Variants in RELN observed in about 807,000 individuals in gnomAD.
RELN encodes the protein reelin.
In RELN, 108 loss-of-function variants were observed where a neutral mutation model predicts 427.6. The ratio of observed to expected loss-of-function variants is 0.25; its 90% CI spans 0.22 to 0.30. RELN has a LOEUF of 0.30. Among genes scored for constraint, RELN ranks in the 10% least tolerant of loss-of-function variants. The pLI is 1.00. For missense variants in RELN, 3,715 were observed against 4,302.8 expected (o/e 0.86, Z 3.82); for synonymous variants, 1,524 against 1,513.4 (o/e 1.01, Z -0.16).
chr7:103,652,089 C>T (rs1327024511), intron 14 of RELN, among the ~76,000 whole-genome samples: 2 of 152,014 alleles, frequency 1.3e-5, no homozygotes, highest in African/African-American at 2.4e-5. Flanking sequence ...CACACTGTCA[C>T]TTCATCCTGT....
At chr7:103,525,598 T>A (rs1829805812) in intron 46 of RELN, among the ~76,000 whole-genome samples, 1 of 152,240 alleles carries the variant, frequency 6.6e-6, no homozygotes. Context: ...TACAGTTATG[T>A]CTGTTTATCT....
intron 1 of RELN, among the ~76,000 whole-genome samples, chr7:103,981,130 G>A (rs1229829250): frequency 6.6e-6 from 1 of 152,182 alleles, no homozygotes; most frequent in East Asian, 1.9e-4. Flanking sequence ...TATAGTCCTA[G>A]AGGCTGAGCC....
chr7:103,619,429 C>T (rs144690709), intron 20 of RELN, among the ~76,000 whole-genome samples: 45 of 152,246 alleles, frequency 3.0e-4, no homozygotes, highest in South Asian at 2.1e-4. Flanking sequence ...ATTTTCAGCC[C>T]GGCCACTTGC....
intron 17 of RELN, among the ~76,000 whole-genome samples, chr7:103,639,102 T>C (rs955780588): frequency 2.0e-5 from 3 of 152,220 alleles, no homozygotes; most frequent in African/African-American, 7.2e-5. Context: ...TTATGGATAA[T>C]GGATGCACAT....
chr7:103,803,723 G>A (rs1349901841), intron 3 of RELN, among the ~76,000 whole-genome samples: 1 of 152,012 alleles, frequency 6.6e-6, no homozygotes, highest in Non-Finnish European at 1.5e-5. Flanking sequence ...ATTATAATGG[G>A]TAAAGATCAT....
chr7:103,987,854 G>A (rs920456395), intron 1 of RELN, among the ~76,000 whole-genome samples: 2 of 152,262 alleles, frequency 1.3e-5, no homozygotes, highest in East Asian at 3.9e-4. Context: ...TTACAGACAA[G>A]GCTGCCACCA....
chr7:103,754,052 A>T (rs551943349), intron 4 of RELN, among the ~76,000 whole-genome samples: 26 of 152,284 alleles, frequency 1.7e-4, no homozygotes, highest in African/African-American at 6.0e-4. Context: ...TTAAGCAGGT[A>T]AGAAACACTG....
intron 13 of RELN, 65 bp from the exon 14 acceptor site, chr7:103,652,824 T>C (rs1181493519): frequency 8.9e-6 from 13 of 1,465,792 alleles, no homozygotes; most frequent in Non-Finnish European, 1.1e-5. Flanking sequence ...TAAATTCTCC[T>C]AGATTTGACC....
chr7:103,745,625 GACAA>G (rs1397276688), intron 6 of RELN, among the ~76,000 whole-genome samples: 13 of 151,540 alleles, frequency 8.6e-5, no homozygotes, highest in Non-Finnish European at 1.3e-4. Flanking sequence ...ACCAATAACA[GACAA>G]ACAGAGAGCC....
At chr7:103,520,477 T>C (rs1355308199) in intron 48 of RELN, among the ~76,000 whole-genome samples, 1 of 152,128 alleles carries the variant, frequency 6.6e-6, no homozygotes, top group Non-Finnish European at 1.5e-5. Context: ...GGTTTCACCA[T>C]GTTGGCCAGG....
intron 63 of RELN, among the ~76,000 whole-genome samples, chr7:103,479,797 A>T (rs1399554455): frequency 2.6e-5 from 4 of 152,176 alleles, no homozygotes; most frequent in Admixed American, 1.3e-4. Flanking sequence ...TGTTCTCATT[A>T]AACTTGTGTT....
intron 2 of RELN, among the ~76,000 whole-genome samples, chr7:103,902,115 G>A (rs1795095585): frequency 6.6e-6 from 1 of 151,948 alleles, no homozygotes; most frequent in Non-Finnish European, 1.5e-5. Context: ...CTGAAAAAGG[G>A]ATAATAAGAA....
chr7:103,823,169 T>C (rs900732844), intron 3 of RELN, among the ~76,000 whole-genome samples: 41 of 152,058 alleles, frequency 2.7e-4, no homozygotes, highest in African/African-American at 9.9e-4. Flanking sequence ...TACCTTTGGT[T>C]AGCACTTGCC....
At chr7:103,908,435 G>A (rs1795266201) in intron 2 of RELN, among the ~76,000 whole-genome samples, 1 of 152,078 alleles carries the variant, frequency 6.6e-6, no homozygotes, top group Non-Finnish European at 1.5e-5. Context: ...GTTTACAAAT[G>A]CAGACATGGA....
intron 38 of RELN, among the ~76,000 whole-genome samples, chr7:103,555,755 G>T (rs1157915402): frequency 6.6e-6 from 1 of 152,188 alleles, no homozygotes; most frequent in Non-Finnish European, 1.5e-5. Context: ...TTACAGTTGT[G>T]AGCCACTGCG....
At chr7:103,641,843 T>G (rs1417620679) in intron 16 of RELN, among the ~76,000 whole-genome samples, 1 of 152,064 alleles carries the variant, frequency 6.6e-6, no homozygotes, top group African/African-American at 2.4e-5. Context: ...GAAAAGCATA[T>G]GGATTGTTTT....
intron 49 of RELN, among the ~76,000 whole-genome samples, chr7:103,518,303 G>A (rs538869743): frequency 2.1e-5 from 3 of 146,030 alleles, no homozygotes; most frequent in Non-Finnish European, 4.5e-5. Flanking sequence ...TGGCTTGCAT[G>A]CATTAAAGGA....
intron 20 of RELN, among the ~76,000 whole-genome samples, chr7:103,612,269 T>A: frequency 6.6e-6 from 1 of 152,064 alleles, no homozygotes; most frequent in South Asian, 2.1e-4. Context: ...CAAATACTTA[T>A]AGATAATATA....
intron 2 of RELN, among the ~76,000 whole-genome samples, chr7:103,876,070 T>G (rs1018672187): frequency 1.3e-5 from 2 of 152,132 alleles, no homozygotes; most frequent in Non-Finnish European, 2.9e-5. Flanking sequence ...GGTGGAAATT[T>G]CTTTGTTTGA....
Sources: gnomAD v4.1 joint callset for allele counts (sites outside exome capture counted in the v4.1 genomes callset) on GRCh38, gnomAD v4.1.1 for gene constraint, MANE v1.5 for transcripts, NCBI Gene and HGNC (gene_info 2026-07-23, HGNC 2026-07-21) for gene names.